GRIP1: variants seen among roughly 807,000 people sequenced by gnomAD.
GRIP1 encodes glutamate receptor-interacting protein 1.
In GRIP1, 45 loss-of-function variants were observed where a neutral mutation model predicts 129.9. The observed-to-expected ratio is 0.35, with a 90% confidence interval of 0.27 to 0.44. The LOEUF is 0.44. Among genes scored for constraint, GRIP1 ranks in the 20% least tolerant of loss-of-function variants. The pLI is 1.00. For synonymous variants in GRIP1, 530 were observed against 520.8 expected (o/e 1.02, Z -0.24); for missense variants, 1,196 against 1,396.8 (o/e 0.86, Z 2.29).
chr12:67,058,965 C>T (rs1408075629), intron 1 of GRIP1, among the ~76,000 whole-genome samples: 1 of 152,272 alleles, frequency 6.6e-6, no homozygotes, highest in Admixed American at 6.5e-5. Flanking sequence ...AACTCCTTGA[C>T]GAGTACAAAA....
At chr12:66,995,122 G>A (rs1160237598) in intron 1 of GRIP1, among the ~76,000 whole-genome samples, 1 of 151,092 alleles carries the variant, frequency 6.6e-6, no homozygotes, top group Non-Finnish European at 1.5e-5. Context: ...AATGGTTCTA[G>A]TACAACTGGA....
At chr12:66,719,265 G>C (rs1049088449) in intron 1 of GRIP1, among the ~76,000 whole-genome samples, 1 of 152,026 alleles carries the variant, frequency 6.6e-6, no homozygotes, top group African/African-American at 2.4e-5. Flanking sequence ...AATAATAACG[G>C]GAAAAAATTC....
chr12:66,513,720 G>A (rs80037353), intron 7 of GRIP1, among the ~76,000 whole-genome samples: 1,828 of 152,184 alleles, frequency 0.012, 42 homozygotes, highest in East Asian at 0.1. Context: ...CTTCCTGATG[G>A]CCCACTTTCT....
At chr12:67,043,555 C>T (rs1038254348) in intron 1 of GRIP1, among the ~76,000 whole-genome samples, 4 of 152,106 alleles carry the variant, frequency 2.6e-5, no homozygotes, top group African/African-American at 9.7e-5. Flanking sequence ...TAGCCCAGAG[C>T]AAAAGAGATA....
chr12:66,660,157 G>A (rs1048977539), intron 1 of GRIP1, among the ~76,000 whole-genome samples: 2 of 152,098 alleles, frequency 1.3e-5, no homozygotes, highest in African/African-American at 2.4e-5. Flanking sequence ...TTGAAGTAAG[G>A]AATCAATATT....
intron 15 of GRIP1, among the ~76,000 whole-genome samples, chr12:66,411,676 A>T (rs2057408348): frequency 6.6e-6 from 1 of 152,212 alleles, no homozygotes; most frequent in Non-Finnish European, 1.5e-5. Context: ...GGTAATAATG[A>T]ACTTCACTGA....
chr12:66,379,046 G>A (rs1385682576), intron 20 of GRIP1, among the ~76,000 whole-genome samples: 1 of 152,210 alleles, frequency 6.6e-6, no homozygotes, highest in Non-Finnish European at 1.5e-5. Flanking sequence ...TTCTCCCCAG[G>A]TGCTACTACT....
intron 1 of GRIP1, among the ~76,000 whole-genome samples, chr12:67,055,877 A>C (rs997825486): frequency 2.0e-5 from 3 of 152,208 alleles, no homozygotes; most frequent in Admixed American, 6.5e-5. Flanking sequence ...GTATAGCCAG[A>C]TATAACAAGT....
chr12:66,800,257 T>C (rs2038820183), intron 1 of GRIP1, among the ~76,000 whole-genome samples: 2 of 152,178 alleles, frequency 1.3e-5, no homozygotes, highest in Admixed American at 1.3e-4. Context: ...TGGTCACTAA[T>C]GACTGCCCTG....
intron 1 of GRIP1, among the ~76,000 whole-genome samples, chr12:66,729,533 G>A (rs1370527105): frequency 6.6e-6 from 1 of 152,128 alleles, no homozygotes; most frequent in Admixed American, 6.5e-5. Flanking sequence ...TAAGTAATTT[G>A]TTCATGGTCG....
intron 1 of GRIP1, among the ~76,000 whole-genome samples, chr12:66,653,995 G>T (rs913730520): frequency 1.3e-5 from 2 of 152,124 alleles, no homozygotes; most frequent in Non-Finnish European, 1.5e-5. Context: ...ATCACTGCAG[G>T]AACCAGTGGC....
rs190271696 is a variant in GRIP1 at position 66,436,221 on chromosome 12, T to C, written c.1688-3593A>G. On this transcript the variant is annotated intron_variant, in intron 13 of 24. Coordinates refer to ENST00000359742, the MANE Select transcript of GRIP1 (RefSeq NM_001366722.1). Reference sequence around the variant, plus strand: ...TCTGCTTTTCTGCCTGAAGCATTCATTGTTAGCACAGTAAGATAACAACCA... The same window carrying C: ...TCTGCTTTTCTGCCTGAAGCATTCACTGTTAGCACAGTAAGATAACAACCA... Among the ~76,000 whole-genome samples, 195 of 152,318 alleles carry C rather than the reference T, an allele frequency of 1.3e-3. 3 individuals are homozygous for C. Among genetic ancestry groups the C allele is most frequent in the African/African-American group, 4.4e-3 (182 of 41,564 alleles).
At chr12:66,634,914 C>T (rs1309331574) in intron 1 of GRIP1, among the ~76,000 whole-genome samples, 1 of 152,196 alleles carries the variant, frequency 6.6e-6, no homozygotes, top group African/African-American at 2.4e-5. Flanking sequence ...GACCCAATAA[C>T]AGAAATTTAT....
chr12:66,682,985 A>G (rs1276364879), upstream of GRIP1, among the ~76,000 whole-genome samples: 1 of 152,092 alleles, frequency 6.6e-6, no homozygotes, highest in Non-Finnish European at 1.5e-5. Flanking sequence ...TAACATGCTT[A>G]GCTCACTATT....
chr12:66,486,370 T>C (rs1399389825), intron 7 of GRIP1, among the ~76,000 whole-genome samples: 5 of 152,140 alleles, frequency 3.3e-5, no homozygotes, highest in Non-Finnish European at 1.5e-5. Flanking sequence ...CCAAAGAATT[T>C]TTAAATTTTT....
At chr12:66,847,376 G>C (rs567609741) in intron 1 of GRIP1, among the ~76,000 whole-genome samples, 8 of 152,102 alleles carry the variant, frequency 5.3e-5, no homozygotes, top group Non-Finnish European at 1.0e-4. Context: ...CTTAGGTCTT[G>C]TCTATATATG....
At chr12:66,443,049 G>A (rs564502393) in intron 13 of GRIP1, among the ~76,000 whole-genome samples, 3 of 152,158 alleles carry the variant, frequency 2.0e-5, no homozygotes, top group African/African-American at 7.2e-5. Flanking sequence ...AATTGGTAAG[G>A]GTTATTGGGT....
intron 2 of GRIP1, among the ~76,000 whole-genome samples, chr12:66,571,256 G>C (rs2062950104): frequency 6.6e-6 from 1 of 152,162 alleles, no homozygotes; most frequent in South Asian, 2.1e-4. Context: ...TTACCGATTT[G>C]TATTGAGTAA....
At chr12:66,555,528 A>G (rs913070032) in intron 2 of GRIP1, among the ~76,000 whole-genome samples, 2 of 152,176 alleles carry the variant, frequency 1.3e-5, no homozygotes, top group African/African-American at 4.8e-5. Context: ...ATCAATAAAC[A>G]TCAAGACCAT....
Sources: gnomAD v4.1 joint callset for allele counts (sites outside exome capture counted in the v4.1 genomes callset) on GRCh38, gnomAD v4.1.1 for gene constraint, MANE v1.5 for transcripts, NCBI Gene and HGNC (gene_info 2026-07-23, HGNC 2026-07-21) for gene names.